Variants in RFX1 observed in about 807,000 individuals in gnomAD.
RFX1 encodes the protein MHC class II regulatory factor RFX1.
A neutral mutation model predicts 119.6 loss-of-function variants in RFX1; 42 were observed. The ratio of observed to expected loss-of-function variants is 0.35; its 90% CI spans 0.27 to 0.45. The LOEUF (loss-of-function observed/expected upper bound fraction) is 0.45. Ranked by LOEUF, RFX1 falls within the 20% of genes least tolerant of loss-of-function variation. The pLI is 1.00. For synonymous variants in RFX1, 628 were observed against 618.5 expected, an observed-to-expected ratio of 1.02 and a Z score of -0.23; for missense variants, 1,118 against 1,368.1, an observed-to-expected ratio of 0.82 and a Z score of 2.88.
intron 1 of RFX1, among the ~76,000 whole-genome samples, chr19:14,005,668 C>A (rs1432940921): frequency 6.6e-6 from 1 of 152,182 alleles, no homozygotes; most frequent in Non-Finnish European, 1.5e-5. Flanking sequence ...GAAGGCGGAC[C>A]GGGTGGTGGC....
chr19:13,983,152 C>T (rs371853235), intron 4 of RFX1, 35 bp downstream of exon 4: 4 of 1,484,000 alleles, frequency 2.7e-6, no homozygotes, highest in Non-Finnish European at 3.6e-6. Context: ...CCTGAGGGAG[C>T]CTTCCAGGGT....
rs886525259 is a variant in RFX1, at chr19:14,002,184, G to A, written c.-53+3919C>T. 5.3e-5 allele frequency among the ~76,000 whole-genome samples: 8 copies of A among 151,726 alleles called. No homozygotes were observed. In the South Asian group the frequency reaches 6.3e-4, roughly 12 times the overall value. On this transcript the variant is annotated intron_variant, in intron 1 of 20. Coordinates refer to ENST00000254325, the MANE Select transcript of RFX1 (RefSeq NM_002918.5). ...ACAAAAATGAGCCGGTCATGGTGGC[G>A]GGCATCTGTATTCCCAGGTACTCGG...
Position 13,969,837 on chromosome 19 carries a change from A to G in RFX1, c.1496+157T>C. The G allele has an allele frequency of 3.1e-6, 2 of 635,168 alleles. No individual in the cohort carries two copies. Among genetic ancestry groups the G allele is most frequent in the Non-Finnish European group, 2.6e-6 (1 of 383,432 alleles). 39.3% of individuals were successfully genotyped at this position (635,168 alleles called of 1,614,324 possible). ...GAGGTGGAAGGCACCGCCAGTGCAA[A>G]GGCCTAGAGTGGGAGTGAGCGGGGC... On this transcript the variant is annotated intron_variant, in intron 10 of 20. Transcript: ENST00000254325. The surrounding 1 kb of genome is among the most constrained non-coding windows in gnomAD (Gnocchi z 4.5).
In RFX1 at chr19:13,969,722, TGGG is replaced by T; in HGVS notation, c.1496+269_1496+271del. Reference sequence around the variant, plus strand: ...GCTAAAGAGAAAAATAAAGCAGGGTTGGGGGGTGTCGGGCAGGGGAGAGGGGGA... The same window carrying T: ...GCTAAAGAGAAAAATAAAGCAGGGTTGGGTGTCGGGCAGGGGAGAGGGGGA... On this transcript the variant is annotated intron_variant, in intron 10 of 20. Transcript: ENST00000254325. The surrounding 1 kb of genome is among the most constrained non-coding windows in gnomAD (Gnocchi z 4.5). The T allele has an allele frequency of 2.5e-6, 1 of 393,724 alleles. No homozygotes were observed. The highest frequency in any genetic ancestry group is 6.5e-5 in the South Asian group (1 of 15,276). The allele number at this position is 393,724 out of a possible 1,614,324, so 24.4% of individuals were successfully genotyped here.
intron 20 of RFX1, 52 bp from the exon 21 acceptor site, chr19:13,962,916 GCTC>G (rs1205903199): frequency 5.8e-6 from 9 of 1,543,420 alleles, no homozygotes; most frequent in Middle Eastern, 1.7e-4. Flanking sequence ...ACGCCCCCGG[GCTC>G]CTCCTCCTCC....
At chr19:14,002,166 T>A (rs923168851) in intron 1 of RFX1, among the ~76,000 whole-genome samples, 2 of 150,838 alleles carry the variant, frequency 1.3e-5, no homozygotes, top group Non-Finnish European at 3.0e-5. Context: ...AAAACAAAAA[T>A]GAGCCGGTCA....
chr19:13,964,584 C>A (rs751820311), intron 16 of RFX1, among the ~76,000 whole-genome samples: 2 of 152,132 alleles, frequency 1.3e-5, no homozygotes, highest in Admixed American at 1.3e-4. Flanking sequence ...TGGGTTCAAG[C>A]GATTCTCGTG....
chr19:13,980,801 G>T lies in RFX1; in HGVS notation c.622-112C>A, dbSNP rs142022874. 3.0e-3 allele frequency: 1,854 copies of T among 627,920 alleles called. 9 individuals are homozygous for T. Among genetic ancestry groups the T allele is most frequent in the Non-Finnish European group, 3.1e-3 (1,112 of 360,548 alleles). 38.9% of individuals were successfully genotyped at this position (627,920 alleles called of 1,614,324 possible). A position where few individuals can be genotyped will look rare whatever the true frequency, so the allele number is the denominator to read the frequency against. On this transcript the variant is annotated intron_variant, in intron 5 of 20. Coordinates refer to ENST00000254325, the MANE Select transcript of RFX1 (RefSeq NM_002918.5). This position sits in a 1 kb window ranked among gnomAD's most constrained non-coding sequence, Gnocchi z 5.1. ...AGCTGTCTGGGGAGGGCGGCAGTCT[G>T]TGGGGACCTATCCCAACCACCGAGG...
intron 2 of RFX1, among the ~76,000 whole-genome samples, chr19:13,989,512 G>A (rs1013845483): frequency 2.2e-4 from 33 of 151,862 alleles, no homozygotes; most frequent in African/African-American, 7.0e-4. Flanking sequence ...CTGGGATTAC[G>A]GCGCCCACCA....
Position 13,978,051 on chromosome 19 carries a change from C to T in RFX1, c.870G>A (p.Val290=). Residue 290 remains valine (V), a synonymous_variant, in exon 8 of 21, where the codon GTG becomes GTA. Transcript: ENST00000254325. ...CCACATACTGCACCTGGCTGGAGTA[C>T]ACGTGTGGGACGGGCACCTGCTGGA... ...QQLQQVPVPH[V]YSSQVQYVEG... The T allele has an allele frequency of 1.9e-6, 3 of 1,613,596 alleles. No homozygotes were observed. Among genetic ancestry groups the T allele is most frequent in the Non-Finnish European group, 2.5e-6 (3 of 1,179,848 alleles).
intron 9 of RFX1, among the ~76,000 whole-genome samples, chr19:13,970,760 T>C (rs1599481435): frequency 7.5e-6 from 1 of 132,496 alleles, no homozygotes; most frequent in East Asian, 2.3e-4. Context: ...GGCAGGTGGG[T>C]GGATCATGAG....
Position 13,986,595 on chromosome 19 carries a change from G to A in RFX1, c.320-3000C>T, listed in dbSNP as rs927597864. Among the ~76,000 whole-genome samples, 1 of 152,158 alleles carries A rather than the reference G, an allele frequency of 6.6e-6. No individual in the cohort carries two copies. Among genetic ancestry groups the A allele is most frequent in the African/African-American group, 2.4e-5 (1 of 41,436 alleles). ...GGGGGGTGGCACTGAGTCTGCGAGC[G>A]AGCGTCTGCATCTATCTGCCGGAGA... On this transcript the variant is annotated intron_variant, in intron 2 of 20. Transcript: ENST00000254325. The surrounding 1 kb of genome is among the most constrained non-coding windows in gnomAD (Gnocchi z 4.2).
At chr19:13,970,476 C>CA (rs1454565555) in intron 9 of RFX1, among the ~76,000 whole-genome samples, 2 of 151,380 alleles carry the variant, frequency 1.3e-5, no homozygotes, top group Non-Finnish European at 2.9e-5. Flanking sequence ...GGCTGGGCAA[C>CA]ATAGGGAGAC....
chr19:13,970,661 CAAAAAAAAAAAAA>C (rs1167910642), intron 9 of RFX1, among the ~76,000 whole-genome samples: 182 of 25,814 alleles, frequency 7.1e-3, no homozygotes, highest in East Asian at 0.013. Flanking sequence ...GACCTTGTCT[CAAAAAAAAAAAAA>C]AAAAAAAAAA....
rs112857211 is a variant in RFX1 at position 13,982,328 on chromosome 19, C to T, written c.514-100G>A. The T allele has an allele frequency of 2.1e-3, 1,172 of 551,014 alleles. 9 individuals are homozygous for T. The African/African-American group carries it at 0.022, about 10-fold the overall frequency. 34.1% of individuals were successfully genotyped at this position (551,014 alleles called of 1,614,324 possible). ...GCCAGGTGACATTCTAAGTGCTTCACGCCTGTTAGCTCACAGAATCGCCCT... is the reference window on the plus strand; with the variant it reads ...GCCAGGTGACATTCTAAGTGCTTCATGCCTGTTAGCTCACAGAATCGCCCT... On this transcript the variant is annotated intron_variant, in intron 4 of 20. Transcript: ENST00000254325.
At position 13,983,649 on chromosome 19, in the gene RFX1, A is replaced by G. The variant is rs901925406; in HGVS notation, c.320-54T>C. On this transcript the variant is annotated intron_variant, in intron 2 of 20. Transcript: ENST00000254325. ...TTCCTGCTTTCCCTGCCCCCAGCCT[A>G]AGCCTGAGCCCCCCTGGAGGGGAAG... 4.9e-6 allele frequency: 7 copies of G among 1,442,804 alleles called. No individual in the cohort carries two copies. The African/African-American group carries it at 9.8e-5, about 20-fold the overall frequency. The allele number at this position is 1,442,804 out of a possible 1,614,324, so 89.4% of individuals were successfully genotyped here.
chr19:13,982,300 A>G (rs1440287571), intron 4 of RFX1, 72 bp from the exon 5 acceptor site: 2 of 824,912 alleles, frequency 2.4e-6, no homozygotes, highest in Admixed American at 8.1e-5. Flanking sequence ...GCATCTGCGC[A>G]GTGCCAGGTG....
intron 1 of RFX1, among the ~76,000 whole-genome samples, chr19:14,001,815 A>G (rs1218418030): frequency 6.6e-6 from 1 of 152,210 alleles, no homozygotes; most frequent in Non-Finnish European, 1.5e-5. Flanking sequence ...AGCCTGGCCA[A>G]CATGGTGAAA....
chr19:13,974,917 G>A (rs1177967249), intron 8 of RFX1, among the ~76,000 whole-genome samples: 5 of 151,100 alleles, frequency 3.3e-5, no homozygotes, highest in East Asian at 2.0e-4. Flanking sequence ...GGTGGCAGGC[G>A]CCTGTAGTCC....
Sources: gnomAD v4.1 joint callset for allele counts (sites outside exome capture counted in the v4.1 genomes callset) on GRCh38, gnomAD v4.1.1 for gene constraint, Gnocchi (gnomAD v3.1) non-coding constraint, MANE v1.5 for transcripts, NCBI Gene and HGNC (gene_info 2026-07-23, HGNC 2026-07-21) for gene names.